The following GHR variants were observed in gnomAD, a reference collection of about 807,000 sequenced individuals.
GHR encodes GH receptor.
GHR carries 35 observed loss-of-function variants against 67.1 expected under a neutral mutation model. The ratio of observed to expected loss-of-function variants is 0.52; its 90% CI spans 0.40 to 0.69. The LOEUF (loss-of-function observed/expected upper bound fraction) is 0.69, where lower values mean the gene tolerates loss of function less well. Among genes scored for constraint, GHR ranks in the 30% least tolerant of loss-of-function variants. GHR has a pLI of 0.00. For missense variants in GHR, 792 were observed against 764.6 expected, an observed-to-expected ratio of 1.04 and a Z score of -0.42; for synonymous variants, 272 against 269.1, an observed-to-expected ratio of 1.01 and a Z score of -0.10.
At chr5:42,485,161 G>C (rs1012291389) in intron 1 of GHR, among the ~76,000 whole-genome samples, 29 of 152,156 alleles carry the variant, frequency 1.9e-4, no homozygotes, top group African/African-American at 7.0e-4. Context: ...ATGAGACTCT[G>C]TCCCTTACCA....
chr5:42,438,927 T>A (rs552424396), intron 1 of GHR, among the ~76,000 whole-genome samples: 1 of 152,358 alleles, frequency 6.6e-6, no homozygotes, highest in African/African-American at 2.4e-5. Flanking sequence ...TGCCAAGTGT[T>A]TGATTAATTT....
intron 1 of GHR, among the ~76,000 whole-genome samples, chr5:42,455,518 T>G (rs1744224896): frequency 6.6e-6 from 1 of 152,240 alleles, no homozygotes; most frequent in Non-Finnish European, 1.5e-5. Context: ...ATCAAGTAGA[T>G]TTTTGAACTT....
At chr5:42,476,750 T>A (rs1745342294) in intron 1 of GHR, among the ~76,000 whole-genome samples, 1 of 152,206 alleles carries the variant, frequency 6.6e-6, no homozygotes, top group African/African-American at 2.4e-5. Flanking sequence ...GTTCAGGCAA[T>A]TTATATGGTG....
Position 42,559,801 on chromosome 5 carries a change from T to G in GHR, c.-11-6063T>G, listed in dbSNP as rs140890054. ...ACATAAGGCATTTTGGATCTGACCATTTTCCAAATTATCATCACCATAAAA... is the reference window on the plus strand; with the variant it reads ...ACATAAGGCATTTTGGATCTGACCAGTTTCCAAATTATCATCACCATAAAA... On this transcript the variant is annotated intron_variant, in intron 1 of 9. Transcript: ENST00000230882. 5.1e-4 allele frequency among the ~76,000 whole-genome samples: 78 copies of G among 152,300 alleles called. No homozygotes were observed. In the East Asian group the frequency reaches 0.015, roughly 29 times the overall value.
At chr5:42,646,468 C>G in intron 3 of GHR, 1 of 344,156 alleles carries the variant, frequency 2.9e-6, no homozygotes, top group South Asian at 2.4e-5. Flanking sequence ...TTTATTTACC[C>G]AGGTAAATAA....
intron 9 of GHR, 83 bp from the exon 10 acceptor site, chr5:42,718,366 ATAAT>A (rs1376113207): frequency 1.9e-6 from 2 of 1,028,760 alleles, no homozygotes; most frequent in Non-Finnish European, 3.0e-6. Context: ...TATTGTAACC[ATAAT>A]TAATCTCTGA....
chr5:42,639,249 T>C (rs1007647901), intron 3 of GHR, among the ~76,000 whole-genome samples: 17 of 152,044 alleles, frequency 1.1e-4, no homozygotes, highest in African/African-American at 3.6e-4. Flanking sequence ...TTGTAGATCT[T>C]TTATAAACTA....
At chr5:42,425,790 A>G (rs1420693112) in intron 1 of GHR, among the ~76,000 whole-genome samples, 1 of 152,176 alleles carries the variant, frequency 6.6e-6, no homozygotes, top group Non-Finnish European at 1.5e-5. Context: ...GCATTAATCT[A>G]AGGAAAGTTG....
At chr5:42,437,563 A>G (rs1743383183) in intron 1 of GHR, among the ~76,000 whole-genome samples, 1 of 144,754 alleles carries the variant, frequency 6.9e-6, no homozygotes, top group Non-Finnish European at 1.5e-5. Context: ...TTATTTATTT[A>G]TTTGAAACGA....
intron 2 of GHR, among the ~76,000 whole-genome samples, chr5:42,595,073 G>A (rs1003428203): frequency 2.0e-5 from 3 of 152,086 alleles, no homozygotes; most frequent in Non-Finnish European, 4.4e-5. Flanking sequence ...GCTAAATTCT[G>A]GCTTCACAGT....
chr5:42,589,982 T>G (rs1413844744), intron 2 of GHR, among the ~76,000 whole-genome samples: 1 of 152,118 alleles, frequency 6.6e-6, no homozygotes, highest in African/African-American at 2.4e-5. Context: ...CTACAGTAAG[T>G]CATTGGGAAG....
rs70991419 is a variant in GHR, at chr5:42,585,772, G to GAA, written c.70+19837_70+19838dup. Among the ~76,000 whole-genome samples the GAA allele has an allele frequency of 1.7e-3, 252 of 147,980 alleles. 1 individual carries two copies. The highest frequency in any genetic ancestry group is 6.0e-3 in the African/African-American group (241 of 40,276). The stretch of plus-strand genomic sequence containing the variant: ...AAAGGTAATGCTTATAAGAAACTTA[G>GAA]AAAAAAAAAAGGAGCTAGTAAGATT... On this transcript the variant is annotated intron_variant, in intron 2 of 9. Transcript: ENST00000230882.
In GHR at chr5:42,711,312, G is replaced by A. The variant is rs121909364; in HGVS notation, c.724G>A (p.Glu242Lys). ...SKQRNSGNYG[E>K]FSEVLYVTLP... ...ACAACGAAACTCTGGAAATTATGGC[G>A]AGTTCAGTGAGGTGCTCTATGTAAC... Residue 242 changes from glutamate to lysine, a missense_variant, in exon 7 of 10, where the codon GAG becomes AAG. By Grantham distance (56) the Glu-to-Lys change is moderately conservative. Transcript: ENST00000230882. 6.6e-5 allele frequency: 106 copies of A among 1,612,960 alleles called. No homozygotes were observed. The highest frequency in any genetic ancestry group is 4.0e-4 in the African/African-American group (30 of 74,878).
chr5:42,568,848 G>A (rs1296477585), intron 2 of GHR, among the ~76,000 whole-genome samples: 2 of 152,176 alleles, frequency 1.3e-5, no homozygotes, highest in Non-Finnish European at 2.9e-5. Flanking sequence ...TCAGTGTACT[G>A]ATAATTCTTA....
chr5:42,581,497 A>G lies in GHR; in HGVS notation c.70+15553A>G, dbSNP rs372758539. On this transcript the variant is annotated intron_variant, in intron 2 of 9. Transcript: ENST00000230882. ...CATTAATTTGAAGGTTGCATTAAGC[A>G]TATATTATGTTAGTGAAGTTGGTCT... Among the ~76,000 whole-genome samples, 14 of 152,326 alleles carry G rather than the reference A, an allele frequency of 9.2e-5. No homozygotes were observed. In the East Asian group the frequency reaches 9.6e-4, roughly 10 times the overall value.
chr5:42,677,754 T>A (rs1240794757), intron 3 of GHR, among the ~76,000 whole-genome samples: 4 of 152,230 alleles, frequency 2.6e-5, no homozygotes, highest in African/African-American at 9.6e-5. Context: ...TTAGTGTTAG[T>A]ATATTTTTTG....
chr5:42,484,705 G>C (rs776243255), intron 1 of GHR, among the ~76,000 whole-genome samples: 1 of 152,168 alleles, frequency 6.6e-6, no homozygotes, highest in Non-Finnish European at 1.5e-5. Context: ...CTTTGATAGA[G>C]ATTCAATATA....
chr5:42,582,558 T>C (rs1418280322), intron 2 of GHR, among the ~76,000 whole-genome samples: 1 of 152,220 alleles, frequency 6.6e-6, no homozygotes, highest in Non-Finnish European at 1.5e-5. Flanking sequence ...TCATTCTTCC[T>C]GGATGTGGGA....
chr5:42,547,890 G>A (rs755685039), intron 1 of GHR, among the ~76,000 whole-genome samples: 4 of 152,098 alleles, frequency 2.6e-5, no homozygotes, highest in Non-Finnish European at 4.4e-5. Context: ...GGGCATTTGG[G>A]GTACTTTAAT....
Sources: gnomAD v4.1 joint callset for allele counts (sites outside exome capture counted in the v4.1 genomes callset) on GRCh38, gnomAD v4.1.1 for gene constraint, MANE v1.5 for transcripts, NCBI Gene and HGNC (gene_info 2026-07-23, HGNC 2026-07-21) for gene names.